KCNH7: variants seen among roughly 807,000 people sequenced by gnomAD.
KCNH7 encodes voltage-gated inwardly rectifying potassium channel KCNH7.
A neutral mutation model predicts 120.8 loss-of-function variants in KCNH7; 49 were observed. That is an observed-to-expected ratio of 0.41 (90% CI 0.32 to 0.51). KCNH7 has a LOEUF of 0.51. Ranked by LOEUF, KCNH7 falls within the 20% of genes least tolerant of loss-of-function variation. KCNH7 has a pLI of 0.38. For missense variants in KCNH7, 1,097 were observed against 1,446.6 expected, an observed-to-expected ratio of 0.76 and a Z score of 3.92; for synonymous variants, 547 against 516.1, an observed-to-expected ratio of 1.06 and a Z score of -0.81.
At chr2:162,661,272 T>C (rs967870509) in intron 2 of KCNH7, among the ~76,000 whole-genome samples, 1 of 152,112 alleles carries the variant, frequency 6.6e-6, no homozygotes, top group African/African-American at 2.4e-5. Flanking sequence ...CCTCAAATTT[T>C]CAGGAGGTTA....
chr2:162,393,313 T>G (rs759776573), intron 12 of KCNH7, among the ~76,000 whole-genome samples: 1 of 151,918 alleles, frequency 6.6e-6, no homozygotes, highest in Non-Finnish European at 1.5e-5. Flanking sequence ...CAGTTGGATA[T>G]GTGGGACTGA....
chr2:162,678,205 C>T (rs918287547), intron 2 of KCNH7, among the ~76,000 whole-genome samples: 1 of 151,290 alleles, frequency 6.6e-6, no homozygotes, highest in African/African-American at 2.4e-5. Flanking sequence ...CCTAATGTGG[C>T]ACTTTCTTAA....
chr2:162,433,345 AG>A (rs1241677661), intron 8 of KCNH7, among the ~76,000 whole-genome samples: 7 of 152,154 alleles, frequency 4.6e-5, no homozygotes, highest in African/African-American at 1.7e-4. Flanking sequence ...AAAAGAGCAA[AG>A]CTGGAGGCAT....
At chr2:162,793,999 T>C (rs1486998035) in intron 2 of KCNH7, among the ~76,000 whole-genome samples, 1 of 152,008 alleles carries the variant, frequency 6.6e-6, no homozygotes, top group Non-Finnish European at 1.5e-5. Flanking sequence ...TTGTGGTGAT[T>C]ACTTCACAAT....
intron 2 of KCNH7, among the ~76,000 whole-genome samples, chr2:162,549,421 T>C (rs971088924): frequency 6.6e-6 from 1 of 152,248 alleles, no homozygotes; most frequent in African/African-American, 2.4e-5. Context: ...CTGATGACTT[T>C]GAAGCTGATC....
intron 6 of KCNH7, among the ~76,000 whole-genome samples, chr2:162,502,915 A>G (rs929956659): frequency 1.3e-5 from 2 of 152,074 alleles, no homozygotes; most frequent in African/African-American, 2.4e-5. Flanking sequence ...TGTTCAGCCT[A>G]AAAAAGAGTT....
chr2:162,791,332 T>C (rs1036581746), intron 2 of KCNH7, among the ~76,000 whole-genome samples: 1 of 152,086 alleles, frequency 6.6e-6, no homozygotes, highest in Admixed American at 6.6e-5. Flanking sequence ...ATGTCAATGG[T>C]AGTTTAATAG....
At chr2:162,393,816 C>T (rs1266422517) in intron 12 of KCNH7, among the ~76,000 whole-genome samples, 1 of 151,956 alleles carries the variant, frequency 6.6e-6, no homozygotes, top group African/African-American at 2.4e-5. Flanking sequence ...CTATCTCCCT[C>T]TCTAGGGAAG....
chr2:162,560,228 G>T (rs539329122), intron 2 of KCNH7, among the ~76,000 whole-genome samples: 1 of 152,276 alleles, frequency 6.6e-6, no homozygotes, highest in East Asian at 1.9e-4. Context: ...CTCTGTGTCT[G>T]GAAGTTATAT....
chr2:162,399,301 A>C (rs1255158144), intron 10 of KCNH7, among the ~76,000 whole-genome samples: 1 of 151,710 alleles, frequency 6.6e-6, no homozygotes, highest in Non-Finnish European at 1.5e-5. Flanking sequence ...ATTCTAAAGA[A>C]GTACTACAAG....
At chr2:162,754,619 T>C (rs567479851) in intron 2 of KCNH7, among the ~76,000 whole-genome samples, 2 of 152,084 alleles carry the variant, frequency 1.3e-5, no homozygotes, top group Non-Finnish European at 2.9e-5. Flanking sequence ...AACAAGACCA[T>C]AGGAGCAAGT....
chr2:162,502,549 T>C (rs1177319749), intron 6 of KCNH7, among the ~76,000 whole-genome samples: 12 of 152,024 alleles, frequency 7.9e-5, no homozygotes, highest in Non-Finnish European at 7.4e-5. Context: ...TGACTCTGAT[T>C]TATGCTCTTA....
chr2:162,442,111 C>T lies in KCNH7; in HGVS notation c.1554+3907G>A, dbSNP rs973388966. 7.7e-5 allele frequency among the ~76,000 whole-genome samples: 11 copies of T among 143,216 alleles called. 1 individual carries two copies. The highest frequency in any genetic ancestry group is 5.1e-4 in the Admixed American group (7 of 13,696). The allele number at this position is 143,216 out of a possible 152,430, so 94.0% of individuals were successfully genotyped here. On this transcript the variant is annotated intron_variant, in intron 7 of 15. Coordinates refer to ENST00000332142, the MANE Select transcript of KCNH7 (RefSeq NM_033272.4). ...TGCTATCTCTGCTCACTGCAAGCTC[C>T]GCCTCCCAGGTTCACACCATTCTCC...
chr2:162,589,855 T>C (rs1177294077), intron 2 of KCNH7, among the ~76,000 whole-genome samples: 1 of 152,112 alleles, frequency 6.6e-6, no homozygotes, highest in Non-Finnish European at 1.5e-5. Flanking sequence ...CTACTAACTG[T>C]ATTATTTAGG....
At chr2:162,584,381 T>C (rs998414510) in intron 2 of KCNH7, among the ~76,000 whole-genome samples, 1 of 152,134 alleles carries the variant, frequency 6.6e-6, no homozygotes, top group Non-Finnish European at 1.5e-5. Flanking sequence ...CCCAAGAATA[T>C]GTCCTTGAAC....
chr2:162,628,314 GACACAAGCAA>G (rs1683629689), intron 2 of KCNH7, among the ~76,000 whole-genome samples: 3 of 152,052 alleles, frequency 2.0e-5, no homozygotes, highest in African/African-American at 7.2e-5. Context: ...GTATTAACCA[GACACAAGCAA>G]AGGTCTTCAG....
At chr2:162,491,064 C>T (rs1296327547) in intron 6 of KCNH7, among the ~76,000 whole-genome samples, 2 of 152,176 alleles carry the variant, frequency 1.3e-5, no homozygotes, top group African/African-American at 2.4e-5. Flanking sequence ...GGCTGCTTCC[C>T]GGGTACCAAG....
intron 2 of KCNH7, among the ~76,000 whole-genome samples, chr2:162,654,535 C>T (rs1684677399): frequency 1.3e-5 from 2 of 151,902 alleles, no homozygotes; most frequent in Non-Finnish European, 1.5e-5. Context: ...GAAAACCTTG[C>T]ACACTGTTGG....
chr2:162,461,966 T>A (rs2105607857), intron 6 of KCNH7, among the ~76,000 whole-genome samples: 1 of 152,300 alleles, frequency 6.6e-6, no homozygotes, highest in Admixed American at 6.5e-5. Flanking sequence ...ATAAAGTCAG[T>A]ATTTATGGAG....
Sources: allele counts gnomAD v4.1 joint callset (sites outside exome capture counted in the v4.1 genomes callset), GRCh38; gene constraint gnomAD v4.1.1; transcripts MANE v1.5; gene names NCBI Gene and HGNC (gene_info 2026-07-23, HGNC 2026-07-21).